The following GPHN variants were observed in gnomAD, a reference collection of about 807,000 sequenced individuals.
GPHN encodes the protein gephyrin.
GPHN carries 17 observed loss-of-function variants against 95.5 expected under a neutral mutation model. The observed-to-expected ratio is 0.18, with a 90% confidence interval of 0.12 to 0.27. GPHN has a LOEUF of 0.27. Among genes scored for constraint, GPHN ranks in the 10% least tolerant of loss-of-function variants. The pLI is 1.00. For synonymous variants in GPHN, 320 were observed against 322.5 expected (o/e 0.99, Z 0.08); for missense variants, 660 against 978.1 (o/e 0.67, Z 4.34).
At chr14:67,100,268 C>T (rs2077624159) in intron 12 of GPHN, among the ~76,000 whole-genome samples, 1 of 152,114 alleles carries the variant, frequency 6.6e-6, no homozygotes, top group African/African-American at 2.4e-5. Flanking sequence ...CTTTTCTTTC[C>T]ACCTGAATTC....
the GPHN span, among the ~76,000 whole-genome samples, chr14:67,318,863 C>T: frequency 6.6e-6 from 1 of 152,022 alleles, no homozygotes; most frequent in East Asian, 1.9e-4. Context: ...GGAGACCATC[C>T]TGGCTAACAT....
chr14:67,718,943 T>C, the GPHN span, among the ~76,000 whole-genome samples: 2 of 152,192 alleles, frequency 1.3e-5, no homozygotes, highest in African/African-American at 4.8e-5. Context: ...TCAACAGAAA[T>C]TAAGGCCATT....
In GPHN at chr14:67,157,877, G is replaced by A. The variant is rs371732321; in HGVS notation, c.1837-1538G>A. Among the ~76,000 whole-genome samples the A allele has an allele frequency of 6.1e-4, 92 of 151,776 alleles. 3 individuals are homozygous for A. Among genetic ancestry groups the A allele is most frequent in the African/African-American group, 2.2e-3 (89 of 41,390 alleles). On this transcript the variant is annotated intron_variant, in intron 18 of 22. Transcript: ENST00000478722. ...GAGAGAGAGAGTGGCGGCGGGGGTG[G>A]GGCAGGGGAGAAGGAAGGAAGGAAG...
At chr14:67,070,759 G>A (rs927788871) in intron 11 of GPHN, among the ~76,000 whole-genome samples, 2 of 142,168 alleles carry the variant, frequency 1.4e-5, no homozygotes, top group Non-Finnish European at 3.0e-5. Context: ...TGTGCTTTCA[G>A]GTGCTTTTTC....
the GPHN span, among the ~76,000 whole-genome samples, chr14:67,565,104 C>T: frequency 1.3e-5 from 2 of 152,174 alleles, no homozygotes; most frequent in Non-Finnish European, 2.9e-5. Flanking sequence ...GGGCTTCGCA[C>T]GGAGCCTGTG....
the GPHN span, chr14:67,592,345 CAGG>C: frequency 2.3e-6 from 1 of 441,278 alleles, no homozygotes; most frequent in African/African-American, 2.0e-5. Flanking sequence ...GAGGCTGAGG[CAGG>C]AGGATTTCTT....
At chr14:67,104,641 A>T (rs1215732460) in intron 13 of GPHN, among the ~76,000 whole-genome samples, 1 of 152,044 alleles carries the variant, frequency 6.6e-6, no homozygotes, top group Non-Finnish European at 1.5e-5. Context: ...ATTTTTTGGC[A>T]TGTAGTTCTT....
chr14:67,336,799 G>T, the GPHN span: 1 of 455,322 alleles, frequency 2.2e-6, no homozygotes. Context: ...GAACTGAGTT[G>T]TTGGTTTTCC....
At chr14:67,729,358 C>A in the GPHN span, 1 of 1,597,954 alleles carries the variant, frequency 6.3e-7, no homozygotes, top group East Asian at 2.2e-5. Flanking sequence ...GGGCCTGGAG[C>A]CCCTGAGTGG....
At chr14:67,498,592 AG>A in the GPHN span, among the ~76,000 whole-genome samples, 1 of 152,244 alleles carries the variant, frequency 6.6e-6, no homozygotes, top group Admixed American at 6.5e-5. Context: ...ATGCCAAGAA[AG>A]ACGAAGGAAT....
intron 3 of GPHN, among the ~76,000 whole-genome samples, chr14:66,797,044 C>CTTTTTTTTTTTTTTT (rs2060183982): frequency 1.5e-5 from 1 of 65,364 alleles, no homozygotes; most frequent in Non-Finnish European, 3.0e-5. Flanking sequence ...TTTTTTTTTG[C>CTTTTTTTTTTTTTTT]ATAATGGATA....
chr14:67,555,931 C>A, the GPHN span: 1 of 1,602,136 alleles, frequency 6.2e-7, no homozygotes, highest in Non-Finnish European at 8.5e-7. Flanking sequence ...GGGGAATGAC[C>A]GTCGGCCCTT....
At chr14:67,605,941 C>T in the GPHN span, among the ~76,000 whole-genome samples, 1 of 152,294 alleles carries the variant, frequency 6.6e-6, no homozygotes, top group East Asian at 1.9e-4. Context: ...CCTGCCTCGG[C>T]CTCCTAAAGT....
At chr14:67,313,917 T>C in the GPHN span, among the ~76,000 whole-genome samples, 1 of 151,550 alleles carries the variant, frequency 6.6e-6, no homozygotes. Flanking sequence ...CCAGATAATA[T>C]ATGTTAAATT....
the GPHN span, chr14:67,684,856 AAG>A: frequency 7.7e-6 from 4 of 519,074 alleles, no homozygotes; most frequent in East Asian, 9.2e-5. Context: ...GTTATTACAA[AAG>A]AGAGTCAAAT....
At chr14:67,260,304 T>C in the GPHN span, among the ~76,000 whole-genome samples, 47 of 152,200 alleles carry the variant, frequency 3.1e-4, no homozygotes, top group Admixed American at 2.0e-3. Context: ...TGGTTAGTAC[T>C]TGGATGGGAG....
the GPHN span, chr14:67,387,209 A>G: frequency 1.1e-6 from 1 of 894,918 alleles, no homozygotes; most frequent in Non-Finnish European, 1.6e-6. Flanking sequence ...GGCAGCATTC[A>G]CTCTCCAAAG....
In GPHN at chr14:66,539,995, A is replaced by T. The variant is rs371298112; in HGVS notation, c.64+31404A>T. 2.6e-5 allele frequency among the ~76,000 whole-genome samples: 4 copies of T among 152,118 alleles called. No homozygotes were observed. In the East Asian group the frequency reaches 7.7e-4, roughly 29 times the overall value. ...CTTAAAGTTTGAAACAGCAAAATCT[A>T]TTTGTTTTTCTGATTATAAAAGTAA... On this transcript the variant is annotated intron_variant, in intron 1 of 22. Transcript: ENST00000478722.
the GPHN span, chr14:67,724,664 T>C: frequency 2.6e-6 from 3 of 1,138,436 alleles, no homozygotes; most frequent in Non-Finnish European, 4.0e-6. Context: ...TCTGTCCATA[T>C]TGCTTTGTGT....
Sources: allele counts gnomAD v4.1 joint callset (sites outside exome capture counted in the v4.1 genomes callset), GRCh38; gene constraint gnomAD v4.1.1; transcripts MANE v1.5; gene names NCBI Gene and HGNC (gene_info 2026-07-23, HGNC 2026-07-21).